The following INSL6 variants were observed in gnomAD, a reference collection of about 807,000 sequenced individuals.
INSL6 encodes insulin-like peptide INSL6.
INSL6 carries 16 observed loss-of-function variants against 9.4 expected under a neutral mutation model. That is an observed-to-expected ratio of 1.70 (90% CI 1.15 to 2.59). The LOEUF is 2.59. INSL6 is among the 30% of genes most tolerant of loss of function. The pLI is 0.00. For missense variants in INSL6, 391 were observed against 257.3 expected, an observed-to-expected ratio of 1.52 and a Z score of -3.56; for synonymous variants, 154 against 96.9, an observed-to-expected ratio of 1.59 and a Z score of -3.46.
chr9:5,164,196 T>G lies in INSL6; in HGVS notation c.359A>C (p.Lys120Thr). ...TGTCTTACCAAGGGGTGAATATCCC[T>G]TTTTATCCTTATACTCAGGTAGTGA... is the stretch of plus-strand genomic sequence containing the variant. ...MQSLPEYKDK[K>T]GYSPLGKTRE... The change falls in exon 2 of 2, where the codon AAG (lysine) becomes ACG (threonine). Residue 120 changes from lysine (K) to threonine (T), a missense_variant. Coordinates refer to ENST00000381641, the MANE Select transcript of INSL6 (RefSeq NM_007179.3). The G allele has an allele frequency of 1.2e-6, 2 of 1,607,062 alleles. No individual in the cohort carries two copies. The highest frequency in any genetic ancestry group is 2.2e-5 in the South Asian group (2 of 89,432).
At chr9:5,124,030 C>G (rs1823810918) in exon 4 of INSL6, among the ~76,000 whole-genome samples, 1 of 151,360 alleles carries the variant, frequency 6.6e-6, no homozygotes, top group South Asian at 2.1e-4. Context: ...GTCTATTGAT[C>G]TCCTTTGTCC....
At chr9:5,014,281 G>C in the INSL6 span, among the ~76,000 whole-genome samples, 1 of 151,198 alleles carries the variant, frequency 6.6e-6, no homozygotes, top group African/African-American at 2.4e-5. Context: ...AGGGATTACA[G>C]GTGTGAGCCA....
chr9:4,994,240 A>G, the INSL6 span, among the ~76,000 whole-genome samples: 2 of 152,198 alleles, frequency 1.3e-5, no homozygotes, highest in Non-Finnish European at 2.9e-5. Context: ...CTATGGAAAA[A>G]TGGATTTTGT....
chr9:5,030,413 C>T, the INSL6 span, among the ~76,000 whole-genome samples: 12 of 151,632 alleles, frequency 7.9e-5, no homozygotes, highest in African/African-American at 1.5e-4. Flanking sequence ...TTTTTTTGCT[C>T]GAAAGGATGA....
downstream of INSL6, among the ~76,000 whole-genome samples, chr9:5,159,797 C>A (rs1354574524): frequency 6.6e-6 from 1 of 152,200 alleles, no homozygotes; most frequent in Non-Finnish European, 1.5e-5. Flanking sequence ...AACAAACAGA[C>A]CTAATAGGTA....
chr9:4,997,633 A>C, the INSL6 span, among the ~76,000 whole-genome samples: 1 of 152,238 alleles, frequency 6.6e-6, no homozygotes, highest in African/African-American at 2.4e-5. Flanking sequence ...AAAGGGGACA[A>C]CATCCAAACT....
chr9:5,103,221 C>CAAAAAAAAAAAAAAAAAAA, the INSL6 span, among the ~76,000 whole-genome samples: 4 of 6,872 alleles, frequency 5.8e-4, no homozygotes, highest in African/African-American at 1.2e-3. Flanking sequence ...AAAGGGAAAG[C>CAAAAAAAAAAAAAAAAAAA]AAAAAAAAAA....
At chr9:5,089,485 C>T in the INSL6 span, among the ~76,000 whole-genome samples, 1 of 136,986 alleles carries the variant, frequency 7.3e-6, no homozygotes, top group African/African-American at 2.9e-5. Context: ...TTGCAGTGAG[C>T]CGAGATCGTG....
chr9:5,035,267 G>A, the INSL6 span, among the ~76,000 whole-genome samples: 1 of 152,152 alleles, frequency 6.6e-6, no homozygotes, highest in African/African-American at 2.4e-5. Flanking sequence ...AAAAAGTCCA[G>A]GACCAGATGG....
intron 1 of INSL6, among the ~76,000 whole-genome samples, chr9:5,181,536 G>A (rs1325042978): frequency 1.3e-5 from 2 of 152,028 alleles, no homozygotes; most frequent in Non-Finnish European, 2.9e-5. Flanking sequence ...AGGACTTAAT[G>A]TGAAAAGTAA....
chr9:5,150,032 TTGGATAGCCC>T (rs1824680522), intron 2 of INSL6, among the ~76,000 whole-genome samples: 1 of 152,114 alleles, frequency 6.6e-6, no homozygotes, highest in South Asian at 2.1e-4. Flanking sequence ...GCTAGGAAAA[TTGGATAGCCC>T]TGTGCAGAAG....
chr9:5,150,287 G>C (rs1453615559), intron 2 of INSL6, among the ~76,000 whole-genome samples: 1 of 152,080 alleles, frequency 6.6e-6, no homozygotes, highest in Non-Finnish European at 1.5e-5. Context: ...CACAGCAAAA[G>C]AAATAATCAA....
intron 2 of INSL6, among the ~76,000 whole-genome samples, chr9:5,153,049 C>G (rs1824742424): frequency 6.6e-6 from 1 of 152,156 alleles, no homozygotes; most frequent in African/African-American, 2.4e-5. Context: ...ATCCGCAGAC[C>G]AGGAGATTCC....
the INSL6 span, among the ~76,000 whole-genome samples, chr9:5,062,500 TA>T: frequency 2.7e-3 from 155 of 58,182 alleles, no homozygotes; most frequent in Middle Eastern, 8.2e-3. Context: ...CTTCCATTTG[TA>T]AAAAAAAAAA....
At chr9:5,166,607 T>G (rs375236127) in intron 1 of INSL6, among the ~76,000 whole-genome samples, 1 of 152,176 alleles carries the variant, frequency 6.6e-6, no homozygotes, top group African/African-American at 2.4e-5. Context: ...ATGCCTTAAC[T>G]GGTACACAAT....
the INSL6 span, among the ~76,000 whole-genome samples, chr9:4,999,525 G>T: frequency 6.6e-6 from 1 of 152,180 alleles, no homozygotes; most frequent in Non-Finnish European, 1.5e-5. Flanking sequence ...TAGAAGGACA[G>T]AACTAATAGG....
At chr9:5,111,288 C>T in the INSL6 span, 1 of 478,618 alleles carries the variant, frequency 2.1e-6, no homozygotes, top group Non-Finnish European at 4.0e-6. Flanking sequence ...TGGCTTCCTG[C>T]CGGGCAAGCT....
the INSL6 span, chr9:5,114,194 C>A: frequency 2.1e-6 from 1 of 468,562 alleles, no homozygotes; most frequent in Non-Finnish European, 4.2e-6. Context: ...GGGTGAGCAC[C>A]TACCTGAGCC....
At chr9:5,054,446 T>G in the INSL6 span, 1 of 773,414 alleles carries the variant, frequency 1.3e-6, no homozygotes, top group Non-Finnish European at 2.1e-6. The surrounding 1 kb of genome is among the most constrained non-coding windows in gnomAD (Gnocchi z 4.9). Context: ...ACTTGGCCAC[T>G]GTGTTGTAAG....
Sources: allele counts gnomAD v4.1 joint callset (sites outside exome capture counted in the v4.1 genomes callset), GRCh38; gene constraint gnomAD v4.1.1; non-coding constraint Gnocchi (gnomAD v3.1); transcripts MANE v1.5; gene names NCBI Gene and HGNC (gene_info 2026-07-23, HGNC 2026-07-21).